Variants in SMPD3 observed in about 807,000 individuals in gnomAD.
The protein encoded by SMPD3 is nSMase-2.
SMPD3 carries 21 observed loss-of-function variants against 55.7 expected under a neutral mutation model. The observed-to-expected ratio is 0.38, with a 90% CI of 0.27 to 0.54. The LOEUF is 0.54. Among genes scored for constraint, SMPD3 ranks in the 20% least tolerant of loss-of-function variants. The pLI, the probability that SMPD3 is intolerant of heterozygous loss-of-function variation, is 0.80. For synonymous variants in SMPD3, 457 were observed against 404.3 expected, an observed-to-expected ratio of 1.13 and a Z score of -1.56; for missense variants, 842 against 899.6, an observed-to-expected ratio of 0.94 and a Z score of 0.82.
chr16:68,424,527 A>G (rs1361888365), intron 1 of SMPD3, among the ~76,000 whole-genome samples: 1 of 152,136 alleles, frequency 6.6e-6, no homozygotes. Context: ...ATGAACCCCA[A>G]TTCTCACATC....
chr16:68,415,007 C>T (rs2090328918), intron 1 of SMPD3, among the ~76,000 whole-genome samples: 1 of 152,054 alleles, frequency 6.6e-6, no homozygotes, highest in African/African-American at 2.4e-5. Context: ...GGAATGGGTG[C>T]TGTGGGTTTG....
intron 1 of SMPD3, among the ~76,000 whole-genome samples, chr16:68,431,466 G>A (rs967177968): frequency 2.0e-5 from 3 of 152,158 alleles, no homozygotes; most frequent in Non-Finnish European, 2.9e-5. Flanking sequence ...TCTTGCTGGC[G>A]ATTGTATCAG....
chr16:68,442,243 G>A (rs1001384686), intron 1 of SMPD3, among the ~76,000 whole-genome samples: 1 of 152,164 alleles, frequency 6.6e-6, no homozygotes, highest in Non-Finnish European at 1.5e-5. Context: ...CACTAACCAG[G>A]GCTGTGGCCA....
intron 3 of SMPD3, 134 bp downstream of exon 3, chr16:68,370,725 A>C: frequency 1.7e-6 from 2 of 1,193,046 alleles, no homozygotes; most frequent in Non-Finnish European, 2.3e-6. Flanking sequence ...TCCAGGAAAG[A>C]CCGCGTCTGC....
chr16:68,423,826 C>T (rs556573927), intron 1 of SMPD3, among the ~76,000 whole-genome samples: 185 of 152,198 alleles, frequency 1.2e-3, no homozygotes, highest in African/African-American at 4.3e-3. Flanking sequence ...AAAGAACAGA[C>T]TGGCACAAGT....
At chr16:68,367,269 GT>G (rs1482023721) in intron 3 of SMPD3, 1 of 152,476 alleles carries the variant, frequency 6.6e-6, no homozygotes, top group Non-Finnish European at 1.5e-5. Flanking sequence ...CTGGGGTGGG[GT>G]GGCGACGCAT....
chr16:68,372,369 C>T lies in SMPD3; in HGVS notation c.-188G>A, dbSNP rs113372032. ...TCATGGTTCACCTCGGTGGGCCATG[C>T]GGAGGCCTACTGCAGACCCTGCAGA... is the stretch of plus-strand genomic sequence containing the variant. On this transcript the variant is annotated 5_prime_UTR_variant, in exon 3 of 9. Transcript: ENST00000219334. 14 of 712,762 alleles carry T rather than the reference C, an allele frequency of 2.0e-5. No homozygotes were observed. Among genetic ancestry groups the T allele is most frequent in the Admixed American group, 1.8e-4 (7 of 38,166 alleles). The allele number at this position is 712,762 out of a possible 1,614,324, so 44.2% of individuals were successfully genotyped here.
chr16:68,399,352 A>G (rs778666905), intron 1 of SMPD3, among the ~76,000 whole-genome samples: 1 of 152,176 alleles, frequency 6.6e-6, no homozygotes, highest in South Asian at 2.1e-4. Context: ...TCTTACCCCC[A>G]CTGCCCCATG....
Position 68,371,448 on chromosome 16 carries a change from A to G in SMPD3, c.734T>C (p.Val245Ala). The G allele has an allele frequency of 6.3e-7, 1 of 1,588,436 alleles. No individual in the cohort carries two copies. Among genetic ancestry groups the G allele is most frequent in the Non-Finnish European group, 8.5e-7 (1 of 1,175,228 alleles). The change falls in exon 3 of 9, where the codon GTG becomes GCG. Residue 245 changes from valine (V) to alanine (A), a missense_variant. Val to Ala is a moderately conservative substitution (Grantham distance 64). Coordinates refer to ENST00000219334, the MANE Select transcript of SMPD3 (RefSeq NM_018667.4). Reference sequence around the variant, plus strand: ...GCCGCCCTCCTCGCCACCGATGCGCACGATGCAGGCATCCTCCGGGCTGCT... The same window carrying G: ...GCCGCCCTCCTCGCCACCGATGCGCGCGATGCAGGCATCCTCCGGGCTGCT... ...DSSSPEDACI[V>A]RIGGEEGGRP...
At chr16:68,364,007 G>A in intron 5 of SMPD3, 141 bp from the exon 6 acceptor site, 1 of 693,062 alleles carries the variant, frequency 1.4e-6, no homozygotes, top group Admixed American at 2.8e-5. Flanking sequence ...TGGGATCTCA[G>A]TCCCATTCAG....
Position 68,401,901 on chromosome 16 carries a change from C to T in SMPD3, c.-268-15242G>A, listed in dbSNP as rs556506513. On this transcript the variant is annotated intron_variant, in intron 1 of 8. Coordinates refer to ENST00000219334, the MANE Select transcript of SMPD3 (RefSeq NM_018667.4). ...TGGCTTTATGTTCAGCTCTCCTTCC[C>T]GACTGCCAGCCCAGATGACCAACAG... 1.6e-4 allele frequency among the ~76,000 whole-genome samples: 24 copies of T among 152,106 alleles called. No homozygotes were observed. The South Asian group carries it at 2.9e-3, about 18-fold the overall frequency.
At position 68,404,398 on chromosome 16, in the gene SMPD3, G is replaced by C. The variant is rs1597649657; in HGVS notation, c.-268-17739C>G. On this transcript the variant is annotated intron_variant, in intron 1 of 8. Coordinates refer to ENST00000219334, the MANE Select transcript of SMPD3 (RefSeq NM_018667.4). The surrounding 1 kb of genome is among the most constrained non-coding windows in gnomAD (Gnocchi z 4.0). The stretch of plus-strand genomic sequence containing the variant: ...TACAGGCGTGAGCCACCATGACAGG[G>C]TTTCATCGTGTTGCCCAGGCTGGTC... 6.6e-6 allele frequency among the ~76,000 whole-genome samples: 1 copy of C among 151,888 alleles called. No individual in the cohort carries two copies. Among genetic ancestry groups the C allele is most frequent in the Admixed American group, 6.6e-5 (1 of 15,244 alleles).
chr16:68,364,496 T>A, intron 5 of SMPD3: 1 of 492,592 alleles, frequency 2.0e-6, no homozygotes, highest in African/African-American at 1.9e-5. Flanking sequence ...CTTTGTCTGC[T>A]TCAGAGGCCC....
At chr16:68,385,621 CA>C (rs1237471351) in intron 2 of SMPD3, among the ~76,000 whole-genome samples, 1 of 152,164 alleles carries the variant, frequency 6.6e-6, no homozygotes, top group Non-Finnish European at 1.5e-5. Flanking sequence ...ACCACCCTGG[CA>C]ACCCTGACAA....
intron 1 of SMPD3, among the ~76,000 whole-genome samples, chr16:68,412,401 G>A (rs1469105430): frequency 6.6e-6 from 1 of 152,176 alleles, no homozygotes; most frequent in African/African-American, 2.4e-5. Flanking sequence ...CATGTAAAGG[G>A]TCCAGATCAG....
intron 2 of SMPD3, among the ~76,000 whole-genome samples, chr16:68,385,886 T>C (rs576623424): frequency 6.6e-6 from 1 of 152,350 alleles, no homozygotes; most frequent in East Asian, 1.9e-4. Flanking sequence ...TGAGAATATG[T>C]GTTTCACAAC....
intron 1 of SMPD3, among the ~76,000 whole-genome samples, chr16:68,390,555 C>G (rs1187970363): frequency 6.6e-6 from 1 of 152,132 alleles, no homozygotes; most frequent in African/African-American, 2.4e-5. Flanking sequence ...CAGCTACTTG[C>G]GCTGCTGAAG....
intron 1 of SMPD3, among the ~76,000 whole-genome samples, chr16:68,420,909 C>T (rs917830209): frequency 4.6e-5 from 7 of 152,198 alleles, no homozygotes; most frequent in African/African-American, 1.7e-4. Context: ...CAAATCGCTC[C>T]CTCAGCAAGC....
chr16:68,411,131 C>T (rs2090296435), intron 1 of SMPD3, among the ~76,000 whole-genome samples: 1 of 152,260 alleles, frequency 6.6e-6, no homozygotes, highest in Non-Finnish European at 1.5e-5. Flanking sequence ...TGAGGGAGGG[C>T]AGCCTCCAGG....
Sources: gnomAD v4.1 joint callset for allele counts (sites outside exome capture counted in the v4.1 genomes callset) on GRCh38, gnomAD v4.1.1 for gene constraint, Gnocchi (gnomAD v3.1) non-coding constraint, MANE v1.5 for transcripts, NCBI Gene and HGNC (gene_info 2026-07-23, HGNC 2026-07-21) for gene names.